Variants in GPC6 observed in about 807,000 individuals in gnomAD.
GPC6 encodes the protein glypican-6.
GPC6 carries 14 observed loss-of-function variants against 55.2 expected under a neutral mutation model. The ratio of observed to expected loss-of-function variants is 0.25; its 90% CI spans 0.17 to 0.40. The LOEUF (loss-of-function observed/expected upper bound fraction) is 0.40. Among genes scored for constraint, GPC6 ranks in the 10% least tolerant of loss-of-function variants. The pLI is 1.00. For synonymous variants in GPC6, 278 were observed against 259.6 expected (o/e 1.07, Z -0.68); for missense variants, 641 against 708.5 (o/e 0.90, Z 1.08).
chr13:93,832,171 T>C (rs967399677), intron 3 of GPC6, among the ~76,000 whole-genome samples: 4 of 122,736 alleles, frequency 3.3e-5, no homozygotes, highest in African/African-American at 1.3e-4. Flanking sequence ...ATCTCAACAA[T>C]GTTTTAGATA....
At chr13:94,215,591 A>G (rs901683660) in intron 4 of GPC6, among the ~76,000 whole-genome samples, 2 of 152,190 alleles carry the variant, frequency 1.3e-5, no homozygotes, top group Non-Finnish European at 2.9e-5. Context: ...CATATTTAAC[A>G]ACAAATATGT....
intron 2 of GPC6, among the ~76,000 whole-genome samples, chr13:93,727,721 A>G (rs1273976712): frequency 6.6e-6 from 1 of 152,154 alleles, no homozygotes. Context: ...ATGGCCAGCC[A>G]TTTGGCCAGT....
chr13:93,622,590 G>T (rs1879005797), intron 2 of GPC6, among the ~76,000 whole-genome samples: 1 of 151,966 alleles, frequency 6.6e-6, no homozygotes, highest in Admixed American at 6.6e-5. Context: ...TAGCCCCAAG[G>T]ACTAAGGCTA....
chr13:93,785,631 A>G (rs1885795311), intron 2 of GPC6, among the ~76,000 whole-genome samples: 1 of 152,178 alleles, frequency 6.6e-6, no homozygotes, highest in African/African-American at 2.4e-5. Context: ...TTCTGGTTTT[A>G]AACTTTATTC....
chr13:93,552,374 G>T (rs1875205217), intron 2 of GPC6, among the ~76,000 whole-genome samples: 1 of 152,028 alleles, frequency 6.6e-6, no homozygotes, highest in Non-Finnish European at 1.5e-5. Flanking sequence ...ATCCTGGTAG[G>T]GGGTCCTTTA....
intron 6 of GPC6, among the ~76,000 whole-genome samples, chr13:94,357,832 CGTT>C (rs1402793654): frequency 3.3e-5 from 5 of 152,188 alleles, no homozygotes; most frequent in African/African-American, 1.2e-4. Flanking sequence ...GTTGACATCA[CGTT>C]GTACTACTGT....
chr13:94,059,495 G>C (rs150702957), intron 4 of GPC6, among the ~76,000 whole-genome samples: 2,080 of 152,204 alleles, frequency 0.014, 23 homozygotes, highest in Admixed American at 0.022. Flanking sequence ...GCAGGATAAA[G>C]AGGTTCAAGG....
chr13:93,337,771 G>A (rs1880100074), intron 1 of GPC6, among the ~76,000 whole-genome samples: 1 of 152,178 alleles, frequency 6.6e-6, no homozygotes, highest in Non-Finnish European at 1.5e-5. Context: ...TATAAATGAA[G>A]TTTAGGATCA....
intron 1 of GPC6, among the ~76,000 whole-genome samples, chr13:93,340,122 G>A (rs760689676): frequency 1.6e-5 from 2 of 127,308 alleles, no homozygotes; most frequent in East Asian, 2.4e-4. Flanking sequence ...TGCAAGCTCC[G>A]CTGCCAGGTT....
intron 1 of GPC6, among the ~76,000 whole-genome samples, chr13:93,475,828 G>A (rs781166358): frequency 7.9e-5 from 12 of 152,154 alleles, no homozygotes; most frequent in African/African-American, 2.4e-4. Flanking sequence ...TATTAAAATA[G>A]AGGGTGCTTT....
At chr13:93,518,213 G>GA (rs1454878463) in intron 1 of GPC6, among the ~76,000 whole-genome samples, 1 of 151,896 alleles carries the variant, frequency 6.6e-6, no homozygotes, top group Non-Finnish European at 1.5e-5. Context: ...CTTCCTCTCT[G>GA]AAAACTTATC....
At chr13:93,853,530 A>G (rs1371819591) in intron 3 of GPC6, among the ~76,000 whole-genome samples, 2 of 151,640 alleles carry the variant, frequency 1.3e-5, no homozygotes, top group Non-Finnish European at 1.5e-5. Context: ...CTTAATTACT[A>G]TATTTTCACT....
intron 2 of GPC6, among the ~76,000 whole-genome samples, chr13:93,679,876 A>C (rs145110343): frequency 6.6e-6 from 1 of 151,970 alleles, no homozygotes; most frequent in Admixed American, 6.6e-5. Context: ...GGATATGTGC[A>C]CACATATTAT....
chr13:94,011,611 A>T (rs1882248452), intron 3 of GPC6, among the ~76,000 whole-genome samples: 1 of 152,214 alleles, frequency 6.6e-6, no homozygotes, highest in Non-Finnish European at 1.5e-5. Flanking sequence ...TAACAGAAAC[A>T]TTTAATCAGT....
chr13:93,593,880 A>G (rs2139512144), intron 2 of GPC6, among the ~76,000 whole-genome samples: 1 of 152,252 alleles, frequency 6.6e-6, no homozygotes, highest in East Asian at 1.9e-4. Context: ...CTGTACTGAA[A>G]TATTTGTTAT....
At chr13:93,689,267 A>G (rs957123124) in intron 2 of GPC6, among the ~76,000 whole-genome samples, 4 of 152,128 alleles carry the variant, frequency 2.6e-5, no homozygotes, top group African/African-American at 7.2e-5. Context: ...ATGCCATTGC[A>G]AACAATCCAC....
intron 5 of GPC6, among the ~76,000 whole-genome samples, chr13:94,300,850 G>A (rs1380649645): frequency 6.6e-6 from 1 of 152,132 alleles, no homozygotes; most frequent in Non-Finnish European, 1.5e-5. Flanking sequence ...CTTCTGTTCT[G>A]TTGTAAAAAG....
chr13:93,655,553 C>T (rs987376494), intron 2 of GPC6, among the ~76,000 whole-genome samples: 1 of 152,080 alleles, frequency 6.6e-6, no homozygotes, highest in African/African-American at 2.4e-5. Context: ...TCTGTTTAAA[C>T]ATTTTTTACA....
intron 2 of GPC6, among the ~76,000 whole-genome samples, chr13:93,675,020 G>A (rs1325563383): frequency 6.6e-6 from 1 of 152,118 alleles, no homozygotes; most frequent in Non-Finnish European, 1.5e-5. Context: ...AATGAAGAGA[G>A]TACAATTAAG....
Sources: allele counts gnomAD v4.1 joint callset (sites outside exome capture counted in the v4.1 genomes callset), GRCh38; gene constraint gnomAD v4.1.1; transcripts MANE v1.5; gene names NCBI Gene and HGNC (gene_info 2026-07-23, HGNC 2026-07-21).